The following SPATA16 variants were observed in gnomAD, a reference collection of about 807,000 sequenced individuals.
SPATA16 encodes spermatogenesis associated 16.
Under a neutral mutation model 63.3 loss-of-function variants are expected in SPATA16, and 36 were observed. The ratio of observed to expected loss-of-function variants is 0.57; its 90% CI spans 0.44 to 0.75. The LOEUF (loss-of-function observed/expected upper bound fraction) is 0.75, where lower values mean the gene tolerates loss of function less well. SPATA16 is among the 30% of genes least tolerant of loss of function. The probability of loss-of-function intolerance (pLI) is 0.00; values close to 1 mark genes in which losing one functional copy is unlikely to be tolerated. For missense variants in SPATA16, 646 were observed against 679.3 expected (o/e 0.95, Z 0.54); for synonymous variants, 203 against 216.7 (o/e 0.94, Z 0.56).
At chr3:173,100,284 T>G (rs1031259441) in intron 2 of SPATA16, among the ~76,000 whole-genome samples, 1 of 152,150 alleles carries the variant, frequency 6.6e-6, no homozygotes, top group Non-Finnish European at 1.5e-5. Context: ...ATAACCCAAA[T>G]AAGTAATAGG....
At chr3:173,115,975 C>T (rs978682200) in intron 2 of SPATA16, among the ~76,000 whole-genome samples, 1 of 151,714 alleles carries the variant, frequency 6.6e-6, no homozygotes, top group Admixed American at 6.6e-5. Flanking sequence ...ACACTGCACT[C>T]TCGACCTCTT....
rs1326615432 is a variant in SPATA16, at chr3:173,117,652, G to C, written c.80C>G (p.Thr27Arg). 6.2e-6 allele frequency: 10 copies of C among 1,613,888 alleles called. No individual in the cohort carries two copies. The highest frequency in any genetic ancestry group is 8.5e-6 in the Non-Finnish European group (10 of 1,179,970). The change falls in exon 2 of 11, where the codon ACA becomes AGA. Residue 27 changes from threonine (T) to arginine (R), a missense_variant. Thr to Arg is a moderately conservative substitution (Grantham distance 71). Coordinates refer to ENST00000351008, the MANE Select transcript of SPATA16 (RefSeq NM_031955.6). Reference sequence around the variant, plus strand: ...CGCTAAGGTGGACATTTTCTTGCTTGTGTTTATCTTTGGAACAAGCTGATC... The same window carrying C: ...CGCTAAGGTGGACATTTTCTTGCTTCTGTTTATCTTTGGAACAAGCTGATC... ...YHDQLVPKIN[T>R]SKKMSTLAHP...
At chr3:173,080,973 C>A (rs1288700930) in intron 2 of SPATA16, among the ~76,000 whole-genome samples, 1 of 152,146 alleles carries the variant, frequency 6.6e-6, no homozygotes, top group Non-Finnish European at 1.5e-5. Context: ...AGCATCCCAG[C>A]CTGCAAGTGC....
chr3:173,028,009 CCCTCCCTTCCTTCTTTCCTTCCTT>C (rs1735497143), intron 3 of SPATA16, among the ~76,000 whole-genome samples: 8 of 43,332 alleles, frequency 1.8e-4, no homozygotes, highest in African/African-American at 1.7e-3. Flanking sequence ...CTCCCTCCCT[CCCTCCCTTCCTTCTTTCCTTCCTT>C]CCTTCCTTCC....
At chr3:173,008,404 G>A (rs549890981) in intron 4 of SPATA16, among the ~76,000 whole-genome samples, 1 of 151,966 alleles carries the variant, frequency 6.6e-6, no homozygotes, top group African/African-American at 2.4e-5. Flanking sequence ...TGTGGGATCC[G>A]CAGCTCAGAT....
intron 6 of SPATA16, among the ~76,000 whole-genome samples, chr3:172,935,897 A>G (rs1466482573): frequency 1.3e-5 from 2 of 152,120 alleles, no homozygotes; most frequent in African/African-American, 2.4e-5. Context: ...GTAACATTCT[A>G]TGGTATGGAA....
intron 2 of SPATA16, among the ~76,000 whole-genome samples, chr3:173,095,817 T>G (rs1737337454): frequency 6.6e-6 from 1 of 152,192 alleles, no homozygotes; most frequent in South Asian, 2.1e-4. Context: ...ATGCTACTCA[T>G]ATAATGTATT....
At chr3:173,092,938 C>A (rs561207969) in intron 2 of SPATA16, among the ~76,000 whole-genome samples, 3 of 151,772 alleles carry the variant, frequency 2.0e-5, no homozygotes, top group Non-Finnish European at 2.9e-5. Context: ...CTGAAGTAGT[C>A]CCCTCCTGTT....
intron 9 of SPATA16, among the ~76,000 whole-genome samples, chr3:172,915,709 T>C (rs2109564729): frequency 6.6e-6 from 1 of 152,296 alleles, no homozygotes; most frequent in South Asian, 2.1e-4. Context: ...TTCAACTAGT[T>C]TTTGCCTGGG....
At chr3:173,055,492 G>A (rs1577151176) in intron 2 of SPATA16, among the ~76,000 whole-genome samples, 2 of 152,124 alleles carry the variant, frequency 1.3e-5, no homozygotes, top group Non-Finnish European at 2.9e-5. Context: ...TGAATCTCTA[G>A]GGAATATGCT....
chr3:173,036,746 CATATT>C (rs1160340018), intron 3 of SPATA16, among the ~76,000 whole-genome samples: 3 of 151,930 alleles, frequency 2.0e-5, no homozygotes, highest in Non-Finnish European at 4.4e-5. Flanking sequence ...ATAAGTCAAC[CATATT>C]ATAATACATT....
At position 173,065,207 on chromosome 3, in the gene SPATA16, T is replaced by A. The variant is rs142628408; in HGVS notation, c.613-16113A>T. Reference sequence around the variant, plus strand: ...AGATATTTAAGAGAGATATATGGCATACAACAGTCCACAAACTTATTTGAC... The same window carrying A: ...AGATATTTAAGAGAGATATATGGCAAACAACAGTCCACAAACTTATTTGAC... On this transcript the variant is annotated intron_variant, in intron 2 of 10. Transcript: ENST00000351008. Among the ~76,000 whole-genome samples the A allele has an allele frequency of 3.3e-5, 5 of 152,294 alleles. No homozygotes were observed. In the East Asian group the frequency reaches 9.6e-4, roughly 29 times the overall value.
intron 2 of SPATA16, among the ~76,000 whole-genome samples, chr3:173,075,156 T>TAA (rs34537715): frequency 0.022 from 3,123 of 139,374 alleles, 107 homozygotes; most frequent in African/African-American, 0.077. Context: ...GTTGAAATTA[T>TAA]AAAAAAAAAA....
At chr3:173,099,740 G>T (rs914743770) in intron 2 of SPATA16, among the ~76,000 whole-genome samples, 3 of 152,158 alleles carry the variant, frequency 2.0e-5, no homozygotes, top group African/African-American at 7.2e-5. Context: ...ATCTCCTTGT[G>T]ATAGTCATGT....
intron 4 of SPATA16, among the ~76,000 whole-genome samples, chr3:172,991,245 G>A (rs1476397229): frequency 1.3e-5 from 2 of 152,220 alleles, no homozygotes; most frequent in Non-Finnish European, 1.5e-5. Context: ...ATGTTGCACA[G>A]CCAGCCTCCA....
intron 2 of SPATA16, among the ~76,000 whole-genome samples, chr3:173,101,963 G>T (rs987388236): frequency 2.0e-5 from 3 of 152,074 alleles, no homozygotes; most frequent in East Asian, 3.9e-4. Flanking sequence ...CACAATTAAT[G>T]GTTCTCCCTT....
intron 4 of SPATA16, among the ~76,000 whole-genome samples, chr3:172,995,325 T>C (rs1464888227): frequency 6.6e-6 from 1 of 152,070 alleles, no homozygotes; most frequent in Non-Finnish European, 1.5e-5. Context: ...ACTATTATTA[T>C]TATCTACTTT....
intron 4 of SPATA16, among the ~76,000 whole-genome samples, chr3:173,010,435 C>CGTGTGTGTGTGTGTGTGTGT (rs66547523): frequency 3.5e-5 from 5 of 141,310 alleles, no homozygotes; most frequent in African/African-American, 5.3e-5. Context: ...CACGTTGTGG[C>CGTGTGTGTGTGTGTGTGTGT]GTGTGTGTGT....
chr3:173,107,526 G>A (rs988453292), intron 2 of SPATA16, among the ~76,000 whole-genome samples: 5 of 151,002 alleles, frequency 3.3e-5, no homozygotes, highest in Non-Finnish European at 4.4e-5. Context: ...TCTCTTAGGC[G>A]GAAACAAAGT....
Sources: gnomAD v4.1 joint callset for allele counts (sites outside exome capture counted in the v4.1 genomes callset) on GRCh38, gnomAD v4.1.1 for gene constraint, MANE v1.5 for transcripts, NCBI Gene and HGNC (gene_info 2026-07-23, HGNC 2026-07-21) for gene names.